UROD: variants seen among roughly 807,000 people sequenced by gnomAD.
UROD encodes uroporphyrinogen decarboxylase.
Under a neutral mutation model 47.1 loss-of-function variants are expected in UROD, and 34 were observed. The observed-to-expected ratio is 0.72, with a 90% confidence interval of 0.55 to 0.96. The LOEUF (loss-of-function observed/expected upper bound fraction) is 0.96, where lower values mean the gene tolerates loss of function less well. UROD is among the 40% of genes least tolerant of loss of function. The probability of loss-of-function intolerance (pLI) is 0.00; values close to 1 mark genes in which losing one functional copy is unlikely to be tolerated. For missense variants in UROD, 381 were observed against 471.8 expected, an observed-to-expected ratio of 0.81 and a Z score of 1.78; for synonymous variants, 148 against 175.8, an observed-to-expected ratio of 0.84 and a Z score of 1.25.
In UROD at chr1:45,014,529, C is replaced by A; in HGVS notation, c.727C>A (p.Gln243Lys). Residue 243 changes from glutamine (Q) to lysine (K), a missense_variant, in exon 7 of 10, where the codon CAA becomes AAA. Coordinates refer to ENST00000246337, the MANE Select transcript of UROD (RefSeq NM_000374.5). ...ALPYIRDVAK[Q>K]VKARLREAGL... ...GCCTTACATCCGTGATGTGGCCAAG[C>A]AAGTGAAGGCCAGGTTGCGGGAGGC... 2.5e-6 allele frequency: 4 copies of A among 1,614,206 alleles called. No individual in the cohort carries two copies. The highest frequency in any genetic ancestry group is 3.4e-6 in the Non-Finnish European group (4 of 1,180,048).
chr1:45,013,664 A>G lies in UROD; in HGVS notation c.347A>G (p.Gln116Arg), dbSNP rs1644824173. Residue 116 changes from glutamine to arginine, a missense_variant, in exon 5 of 10, where the codon CAG becomes CGG. Physicochemically the swap from Gln to Arg is conservative, Grantham distance 43 (BLOSUM62 1). Coordinates refer to ENST00000246337, the MANE Select transcript of UROD (RefSeq NM_000374.5). This position sits in a 1 kb window ranked among gnomAD's most constrained non-coding sequence, Gnocchi z 4.2. ...TTCCCAGAGCCATTAAGAGAAGAGC[A>G]GGACCTAGAACGCCTACGGGATCCA... ...PSFPEPLREE[Q>R]DLERLRDPEV... The G allele has an allele frequency of 6.2e-7, 1 of 1,614,170 alleles. No homozygotes were observed. The highest frequency in any genetic ancestry group is 8.5e-7 in the Non-Finnish European group (1 of 1,180,016).
rs541879932 is a variant in UROD at position 45,015,137 on chromosome 1, A to C, written c.942+131A>C. ...TACTCTGTACAACATAAGCCCTAGAAAGACCGGACTTTTTGTTGCTGTTGT... is the reference window on the plus strand; with the variant it reads ...TACTCTGTACAACATAAGCCCTAGACAGACCGGACTTTTTGTTGCTGTTGT... On this transcript the variant is annotated intron_variant, in intron 9 of 9. Coordinates refer to ENST00000246337, the MANE Select transcript of UROD (RefSeq NM_000374.5). 2.7e-6 allele frequency: 4 copies of C among 1,502,840 alleles called. No homozygotes were observed. In the African/African-American group the frequency reaches 4.1e-5, roughly 16 times the overall value. 93.1% of individuals were successfully genotyped at this position (1,502,840 alleles called of 1,614,324 possible).
chr1:45,013,022 A>AAG lies in UROD; in HGVS notation c.133+6_133+7dup. The AAG allele has an allele frequency of 6.2e-7, 1 of 1,614,082 alleles. No homozygotes were observed. The highest frequency in any genetic ancestry group is 1.1e-5 in the South Asian group (1 of 91,086). Reference sequence around the variant, plus strand: ...CCAGGCAGGCCGTTACTTACCAGGTAAGAGTCAGGGTCTGGAAATCTAGAT... The same window carrying AAG: ...CCAGGCAGGCCGTTACTTACCAGGTAAGAGAGTCAGGGTCTGGAAATCTAGAT... On this transcript the variant is annotated splice_donor_region_variant and intron_variant, in intron 2 of 9. Transcript: ENST00000246337. The surrounding 1 kb of genome is among the most constrained non-coding windows in gnomAD (Gnocchi z 4.2).
At chr1:45,015,179 T>C in intron 9 of UROD, 158 bp from the exon 10 acceptor site, 1 of 1,422,220 alleles carries the variant, frequency 7.0e-7, no homozygotes, top group Non-Finnish European at 9.7e-7. Context: ...GTGTTTATGC[T>C]TCATGCCTGG....
chr1:45,014,982 C>T lies in UROD; in HGVS notation c.918C>T (p.Asp306=). Residue 306 remains aspartate, a synonymous_variant, in exon 9 of 10, where the codon GAC becomes GAT. Transcript: ENST00000246337. ...CGGTGACATTGCAGGGCAACCTGGACCCCTGTGCCTTGTATGCATCTGAGG... is the reference window on the plus strand; with the variant it reads ...CGGTGACATTGCAGGGCAACCTGGATCCCTGTGCCTTGTATGCATCTGAGG... The part of the protein sequence containing the change: ...GKTVTLQGNL[D]PCALYASEEE... 1 of 1,614,000 alleles carries T rather than the reference C, an allele frequency of 6.2e-7. No homozygotes were observed. The highest frequency in any genetic ancestry group is 8.5e-7 in the Non-Finnish European group (1 of 1,180,040).
Position 45,014,580 on chromosome 1 carries a change from A to G in UROD, c.774+4A>G. On this transcript the variant is annotated splice_donor_region_variant and intron_variant, in intron 7 of 9. Coordinates refer to ENST00000246337, the MANE Select transcript of UROD (RefSeq NM_000374.5). ...AGGCCTGGCACCAGTGCCCATGGTGAGGATTGGGATGGGTTGAGTGAAGGT... is the reference window on the plus strand; with the variant it reads ...AGGCCTGGCACCAGTGCCCATGGTGGGGATTGGGATGGGTTGAGTGAAGGT... The G allele has an allele frequency of 6.2e-7, 1 of 1,614,144 alleles. No individual in the cohort carries two copies. The highest frequency in any genetic ancestry group is 8.5e-7 in the Non-Finnish European group (1 of 1,180,034).
At chr1:45,012,682 G>A in intron 1 of UROD, 1 of 873,000 alleles carries the variant, frequency 1.1e-6, no homozygotes, top group Non-Finnish European at 1.7e-6. Flanking sequence ...GCTTGGAAGA[G>A]TAGAGACTAA....
intron 1 of UROD, chr1:45,012,612 C>A: frequency 3.2e-6 from 2 of 627,036 alleles, no homozygotes; most frequent in Non-Finnish European, 5.5e-6. Flanking sequence ...AGTTCGAAGA[C>A]CCCCAAACTA....
Position 45,013,201 on chromosome 1 carries a change from G to A in UROD, c.199G>A (p.Glu67Lys). ...STCRSPEACC[E>K]LTLQPLRRFP... ...GTGTCGCTCTCCTGAGGCCTGCTGT[G>A]AACTGACTCTGCAGGTGAGGGGTCC... The change falls in exon 3 of 10, where the codon GAA (glutamate) becomes AAA (lysine). Residue 67 changes from glutamate to lysine, a missense_variant. Physicochemically the swap from Glu to Lys is moderately conservative, Grantham distance 56. Coordinates refer to ENST00000246337, the MANE Select transcript of UROD (RefSeq NM_000374.5). This position sits in a 1 kb window ranked among gnomAD's most constrained non-coding sequence, Gnocchi z 4.2. 1.2e-6 allele frequency: 2 copies of A among 1,614,194 alleles called. No homozygotes were observed. Among genetic ancestry groups the A allele is most frequent in the Non-Finnish European group, 1.7e-6 (2 of 1,180,036 alleles).
At position 45,014,803 on chromosome 1, in the gene UROD, G is replaced by T. The variant is rs121918057; in HGVS notation, c.842G>T (p.Gly281Val). ...ELAQAGYEVV[G>V]LDWTVAPKKA... Reference sequence around the variant, plus strand: ...GCCCAAGCTGGCTATGAGGTGGTTGGGCTTGACTGGACAGTGGCCCCAAAG... The same window carrying T: ...GCCCAAGCTGGCTATGAGGTGGTTGTGCTTGACTGGACAGTGGCCCCAAAG... The change falls in exon 8 of 10, where the codon GGG becomes GTG. Residue 281 changes from glycine to valine, a missense_variant. Coordinates refer to ENST00000246337, the MANE Select transcript of UROD (RefSeq NM_000374.5). The T allele has an allele frequency of 7.4e-6, 12 of 1,614,116 alleles. No individual in the cohort carries two copies. Among genetic ancestry groups the T allele is most frequent in the East Asian group, 2.2e-5 (1 of 44,904 alleles).
intron 1 of UROD, 37 bp from the exon 2 acceptor site, chr1:45,012,870 A>G (rs2148982035): frequency 1.9e-6 from 3 of 1,612,500 alleles, no homozygotes; most frequent in African/African-American, 1.3e-5. Context: ...CCAGCGTAGC[A>G]TACTGACACC....
intron 1 of UROD, among the ~76,000 whole-genome samples, chr1:45,012,492 C>T (rs572250528): frequency 6.6e-6 from 1 of 152,304 alleles, no homozygotes; most frequent in African/African-American, 2.4e-5. Context: ...GGATTTCCAA[C>T]CAGGATCTCT....
Position 45,012,932 on chromosome 1 carries a change from A to C in UROD, c.46A>C (p.Asn16His). The C allele has an allele frequency of 6.2e-7, 1 of 1,613,776 alleles. No individual in the cohort carries two copies. Among genetic ancestry groups the C allele is most frequent in the Non-Finnish European group, 8.5e-7 (1 of 1,179,924 alleles). Residue 16 changes from asparagine to histidine, a missense_variant, in exon 2 of 10, where the codon AAT (asparagine) becomes CAT (histidine). Physicochemically the swap from Asn to His is moderately conservative, Grantham distance 68 (BLOSUM62 1). Coordinates refer to ENST00000246337, the MANE Select transcript of UROD (RefSeq NM_000374.5). ...ACCTCAGGGTTTTCCGGAGCTGAAG[A>C]ATGACACATTCCTGCGAGCAGCCTG... ...LGPQGFPELK[N>H]DTFLRAAWGE...
At chr1:45,014,256 C>A in intron 6 of UROD, 183 bp from the exon 7 acceptor site, 1 of 1,295,182 alleles carries the variant, frequency 7.7e-7, no homozygotes, top group Non-Finnish European at 1.1e-6. Flanking sequence ...TCTAAGTATT[C>A]AGACACCAAA....
intron 1 of UROD, 136 bp from the exon 2 acceptor site, chr1:45,012,771 G>T: frequency 1.3e-6 from 2 of 1,535,426 alleles, no homozygotes; most frequent in Non-Finnish European, 8.8e-7. Flanking sequence ...CGGAACGGGC[G>T]GAAAGCCAGG....
chr1:45,014,401 T>C (rs369451060), intron 6 of UROD, 38 bp from the exon 7 acceptor site: 47 of 1,613,774 alleles, frequency 2.9e-5, no homozygotes, highest in Non-Finnish European at 3.9e-5. Context: ...ACTTCCTCTT[T>C]GTGTGTTACA....
rs1348298524 is a variant in UROD at position 45,013,051 on chromosome 1, A to G, written c.133+32A>G. On this transcript the variant is annotated intron_variant, in intron 2 of 9. Coordinates refer to ENST00000246337, the MANE Select transcript of UROD (RefSeq NM_000374.5). This position sits in a 1 kb window ranked among gnomAD's most constrained non-coding sequence, Gnocchi z 4.2. ...GTCAGGGTCTGGAAATCTAGATAAA[A>G]CTCCGGAGGGAGAAAAGTTTTCGAG... 2.5e-6 allele frequency: 4 copies of G among 1,613,632 alleles called. No individual in the cohort carries two copies. Among genetic ancestry groups the G allele is most frequent in the African/African-American group, 1.3e-5 (1 of 74,734 alleles).
Position 45,013,504 on chromosome 1 carries a change from T to C in UROD, c.277-90T>C. Reference sequence around the variant, plus strand: ...AGAAATGGAGTTTGGCAGAGTTTTATTCTCCTTTTCCTTCCTCCTGGAATG... The same window carrying C: ...AGAAATGGAGTTTGGCAGAGTTTTACTCTCCTTTTCCTTCCTCCTGGAATG... On this transcript the variant is annotated intron_variant, in intron 4 of 9. Transcript: ENST00000246337. This position sits in a 1 kb window ranked among gnomAD's most constrained non-coding sequence, Gnocchi z 4.2. 6.2e-7 allele frequency: 1 copy of C among 1,606,158 alleles called. No individual in the cohort carries two copies. Among genetic ancestry groups the C allele is most frequent in the African/African-American group, 1.3e-5 (1 of 74,894 alleles).
chr1:45,015,394 A>C lies in UROD; in HGVS notation c.1000A>C (p.Ile334Leu), dbSNP rs781546067. The C allele has an allele frequency of 1.9e-6, 3 of 1,614,202 alleles. No individual in the cohort carries two copies. Among genetic ancestry groups the C allele is most frequent in the East Asian group, 2.2e-5 (1 of 44,884 alleles). Residue 334 changes from isoleucine to leucine, a missense_variant, in exon 10 of 10, where the codon ATT becomes CTT. Coordinates refer to ENST00000246337, the MANE Select transcript of UROD (RefSeq NM_000374.5). ...GGATGACTTTGGACCACATCGCTAC[A>C]TTGCCAACCTGGGCCATGGGCTTTA... is the stretch of plus-strand genomic sequence containing the variant. ...MLDDFGPHRY[I>L]ANLGHGLYPD...
Sources: allele counts gnomAD v4.1 joint callset (sites outside exome capture counted in the v4.1 genomes callset), GRCh38; gene constraint gnomAD v4.1.1; non-coding constraint Gnocchi (gnomAD v3.1); transcripts MANE v1.5; gene names NCBI Gene and HGNC (gene_info 2026-07-23, HGNC 2026-07-21).